Variants in LAMC3 observed in about 807,000 individuals in gnomAD.
LAMC3 encodes laminin subunit gamma-3.
In LAMC3, 128 loss-of-function variants were observed where a neutral mutation model predicts 173.8. That is an observed-to-expected ratio of 0.74 (90% CI 0.64 to 0.85). The LOEUF (loss-of-function observed/expected upper bound fraction) is 0.85. Among genes scored for constraint, LAMC3 ranks in the 40% least tolerant of loss-of-function variants. LAMC3 has a pLI of 0.00. For missense variants in LAMC3, 2,022 were observed against 2,156.0 expected (o/e 0.94, Z 1.23); for synonymous variants, 897 against 909.1 (o/e 0.99, Z 0.24).
intron 6 of LAMC3, among the ~76,000 whole-genome samples, chr9:131,039,737 G>A (rs996536511): frequency 6.6e-6 from 1 of 151,966 alleles, no homozygotes; most frequent in Non-Finnish European, 1.5e-5. Context: ...ATGGTGACCA[G>A]GGGGTGGAAG....
chr9:131,037,199 G>C (rs909854547), intron 4 of LAMC3, among the ~76,000 whole-genome samples: 1 of 152,180 alleles, frequency 6.6e-6, no homozygotes, highest in Non-Finnish European at 1.5e-5. Flanking sequence ...GTCCCAGCCT[G>C]CTGCTGTCTC....
chr9:131,045,920 C>A (rs1387229194), intron 8 of LAMC3, among the ~76,000 whole-genome samples: 1 of 152,192 alleles, frequency 6.6e-6, no homozygotes, highest in Non-Finnish European at 1.5e-5. Context: ...TTTTTGGATC[C>A]TGTAGGGGAA....
Position 131,026,379 on chromosome 9 carries a change from A to G in LAMC3, c.468A>G (p.Pro156=), listed in dbSNP as rs199529795. 52 of 1,614,110 alleles carry G rather than the reference A, an allele frequency of 3.2e-5. No individual in the cohort carries two copies. The Admixed American group carries it at 4.2e-4, about 13-fold the overall frequency. The change falls in exon 2 of 28, where the codon CCA becomes CCG. Residue 156 remains proline, a synonymous_variant. Transcript: ENST00000361069. This position sits in a 1 kb window ranked among gnomAD's most constrained non-coding sequence, Gnocchi z 4.8. ...ACAAGCGCAGCCGCGCCGACGGCCC[A>G]TGGGAGCCCTACCAGTTCTACAGCG... ...AIYKRSRADG[P]WEPYQFYSAS...
chr9:131,043,258 C>T (rs1260600969), intron 7 of LAMC3, among the ~76,000 whole-genome samples: 1 of 152,242 alleles, frequency 6.6e-6, no homozygotes, highest in East Asian at 1.9e-4. Context: ...CAAGAGGCCT[C>T]CAAGCTCCAG....
At chr9:131,051,664 C>T (rs1218585867) in intron 9 of LAMC3, among the ~76,000 whole-genome samples, 1 of 152,064 alleles carries the variant, frequency 6.6e-6, no homozygotes, top group Admixed American at 6.6e-5. Flanking sequence ...TGCCAGGCTG[C>T]GTATTTTGTT....
intron 9 of LAMC3, among the ~76,000 whole-genome samples, chr9:131,051,230 T>A (rs1834281471): frequency 6.6e-6 from 1 of 152,112 alleles, no homozygotes; most frequent in African/African-American, 2.4e-5. Context: ...ATATAAACAC[T>A]TTTTTTCCCC....
intron 7 of LAMC3, among the ~76,000 whole-genome samples, chr9:131,044,035 T>G (rs1325815466): frequency 6.6e-6 from 1 of 150,588 alleles, no homozygotes; most frequent in East Asian, 2.0e-4. Flanking sequence ...CTCGGCTCAC[T>G]GCAACCTCTG....
rs181341447 is a variant in LAMC3, at chr9:131,089,439, G to A, written c.4477+1622G>A. Among the ~76,000 whole-genome samples, 365 of 152,102 alleles carry A rather than the reference G, an allele frequency of 2.4e-3. 3 individuals are homozygous for A. Among genetic ancestry groups the A allele is most frequent in the African/African-American group, 8.5e-3 (353 of 41,516 alleles). ...GTTACCCAGGCTGGAGTGCAGTGGT[G>A]CAGTCGTGGCTCACTGCAGCCTCAA... On this transcript the variant is annotated intron_variant, in intron 27 of 27. Coordinates refer to ENST00000361069, the MANE Select transcript of LAMC3 (RefSeq NM_006059.4).
chr9:131,020,234 G>A (rs1403989325), intron 1 of LAMC3, among the ~76,000 whole-genome samples: 2 of 152,156 alleles, frequency 1.3e-5, no homozygotes, highest in Admixed American at 1.3e-4. Flanking sequence ...GCCTACAGGG[G>A]AGTCACACCC....
At chr9:131,072,492 G>A (rs1367450176) in intron 18 of LAMC3, 138 bp from the exon 19 acceptor site, 3 of 744,800 alleles carry the variant, frequency 4.0e-6, no homozygotes, top group African/African-American at 3.5e-5. Context: ...GGGGTACTCT[G>A]CCTTTGGGAC....
intron 13 of LAMC3, 45 bp downstream of exon 13, chr9:131,061,268 C>T (rs1179784075): frequency 6.6e-7 from 1 of 1,522,260 alleles, no homozygotes; most frequent in East Asian, 2.3e-5. Flanking sequence ...GAGGGCCAAG[C>T]CCCGGCACTG....
intron 13 of LAMC3, 31 bp from the exon 14 acceptor site, chr9:131,066,929 T>C: frequency 6.2e-7 from 1 of 1,611,746 alleles, no homozygotes; most frequent in Non-Finnish European, 8.5e-7. Context: ...CAGCCAGCTG[T>C]GTTCCCCACA....
At chr9:131,068,658 C>T (rs547550904) in intron 15 of LAMC3, among the ~76,000 whole-genome samples, 1 of 152,304 alleles carries the variant, frequency 6.6e-6, no homozygotes, top group South Asian at 2.1e-4. Flanking sequence ...GACTTTCCAA[C>T]AGAGGGGTAT....
chr9:131,051,025 G>C (rs1014070166), intron 9 of LAMC3, among the ~76,000 whole-genome samples: 1 of 152,180 alleles, frequency 6.6e-6, no homozygotes, highest in Non-Finnish European at 1.5e-5. Flanking sequence ...GCTTCAGGCC[G>C]CTTCTGCACA....
At position 131,077,323 on chromosome 9, in the gene LAMC3, C is replaced by G. The variant is rs1830147752; in HGVS notation, c.3766C>G (p.Pro1256Ala). 1 of 1,613,842 alleles carries G rather than the reference C, an allele frequency of 6.2e-7. No individual in the cohort carries two copies. The highest frequency in any genetic ancestry group is 1.7e-5 in the Admixed American group (1 of 60,002). ...CCCGTACCTGGCCTTGCTGGCTTCC[C>G]CGGGAGCTCTGGTCAGCTCAGTTGT... ...TAPYLALLAS[P>A]GALPQKSRAE... is the part of the protein sequence containing the mutation. Residue 1256 changes from proline (P) to alanine (A), a missense_variant, in exon 22 of 28, where the codon CCG (proline) becomes GCG (alanine). Transcript: ENST00000361069.
intron 2 of LAMC3, among the ~76,000 whole-genome samples, chr9:131,031,456 A>G (rs1833821421): frequency 6.6e-6 from 1 of 152,156 alleles, no homozygotes; most frequent in Admixed American, 6.5e-5. Flanking sequence ...CGTGGAAGAG[A>G]TGTCACCTGA....
chr9:131,039,550 G>A (rs1029097093), intron 6 of LAMC3, among the ~76,000 whole-genome samples: 1 of 152,034 alleles, frequency 6.6e-6, no homozygotes, highest in African/African-American at 2.4e-5. Context: ...GAGGTGGGGT[G>A]GGGGGCACGG....
Position 131,068,920 on chromosome 9 carries a change from C to A in LAMC3, c.2760C>A (p.His920Gln). 2 of 1,614,046 alleles carry A rather than the reference C, an allele frequency of 1.2e-6. No individual in the cohort carries two copies. Among genetic ancestry groups the A allele is most frequent in the Non-Finnish European group, 1.7e-6 (2 of 1,180,016 alleles). ...TCCCTGATCACAGCTGCAAGTGTCA[C>A]CCACTGGGCTCCCAGGAGGACCAGT... ...PGRGCRSCKCHPLGSQEDQCH... is the reference protein window; with the variant it reads ...PGRGCRSCKCQPLGSQEDQCH... The change falls in exon 16 of 28, where the codon CAC becomes CAA. Residue 920 changes from histidine to glutamine, a missense_variant. Coordinates refer to ENST00000361069, the MANE Select transcript of LAMC3 (RefSeq NM_006059.4).
Position 131,009,431 on chromosome 9 carries a change from C to T in LAMC3, c.217C>T (p.His73Tyr). 6.5e-7 allele frequency: 1 copy of T among 1,543,376 alleles called. No homozygotes were observed. The highest frequency in any genetic ancestry group is 8.7e-7 in the Non-Finnish European group (1 of 1,145,540). Residue 73 changes from histidine (H) to tyrosine (Y), a missense_variant, in exon 1 of 28, where the codon CAT (histidine) becomes TAT (tyrosine). Physicochemically the swap from His to Tyr is moderately conservative, Grantham distance 83. Coordinates refer to ENST00000361069, the MANE Select transcript of LAMC3 (RefSeq NM_006059.4). This position sits in a 1 kb window ranked among gnomAD's most constrained non-coding sequence, Gnocchi z 4.3. ...CGTGGGCGCCGCGGGCGCGGGGGCTCATTGCCAGCGCTGCGACGCCGCCGA... is the reference window on the plus strand; with the variant it reads ...CGTGGGCGCCGCGGGCGCGGGGGCTTATTGCCAGCGCTGCGACGCCGCCGA... ...PHVGAAGAGA[H>Y]CQRCDAADPQ...
Sources: gnomAD v4.1 joint callset for allele counts (sites outside exome capture counted in the v4.1 genomes callset) on GRCh38, gnomAD v4.1.1 for gene constraint, Gnocchi (gnomAD v3.1) non-coding constraint, MANE v1.5 for transcripts, NCBI Gene and HGNC (gene_info 2026-07-23, HGNC 2026-07-21) for gene names.